Variants in TTC9C observed in about 807,000 individuals in gnomAD.
TTC9C encodes tetratricopeptide repeat domain 9C.
In TTC9C, 15 loss-of-function variants were observed where a neutral mutation model predicts 22.5. That is an observed-to-expected ratio of 0.67 (90% CI 0.45 to 1.03). The LOEUF (loss-of-function observed/expected upper bound fraction) is 1.03, where lower values mean the gene tolerates loss of function less well. Among genes scored for constraint, TTC9C ranks in the 50% least tolerant of loss-of-function variants. TTC9C has a pLI of 0.00. For missense variants in TTC9C, 244 were observed against 214.6 expected (o/e 1.14, Z -0.86); for synonymous variants, 92 against 86.8 (o/e 1.06, Z -0.33).
intron 1 of TTC9C, among the ~76,000 whole-genome samples, chr11:62,729,485 C>G (rs1018182657): frequency 1.3e-5 from 2 of 151,652 alleles, no homozygotes; most frequent in African/African-American, 4.8e-5. Context: ...TGCAGCCTCC[C>G]CGTCCCGGGT....
intron 1 of TTC9C, among the ~76,000 whole-genome samples, chr11:62,734,719 G>A (rs2083890894): frequency 6.6e-6 from 1 of 152,168 alleles, no homozygotes; most frequent in Non-Finnish European, 1.5e-5. Context: ...CTGGGCTCAA[G>A]CAAATCTCCT....
intron 1 of TTC9C, among the ~76,000 whole-genome samples, chr11:62,729,560 G>A (rs1318489346): frequency 1.4e-5 from 2 of 146,300 alleles, no homozygotes; most frequent in African/African-American, 5.1e-5. Context: ...CAGCCACCAC[G>A]CCCAGCTAAT....
chr11:62,735,431 T>TAGTCAGAA lies in TTC9C; in HGVS notation c.293_300dup (p.Leu101ArgfsTer38). The TAGTCAGAA allele has an allele frequency of 6.2e-7, 1 of 1,614,144 alleles. No homozygotes were observed. ...TGAACTACGAACGAGTGAGAGAATA[T>TAGTCAGAA]AGTCAGAAAGTCCTGGAACGACAGC... On this transcript the variant is annotated frameshift_variant, in exon 2 of 3. Transcript: ENST00000316461. LOFTEE classifies it high-confidence loss of function.
At chr11:62,733,426 C>T (rs941524091) in intron 1 of TTC9C, among the ~76,000 whole-genome samples, 2 of 151,798 alleles carry the variant, frequency 1.3e-5, no homozygotes, top group Non-Finnish European at 2.9e-5. Context: ...GAAGATTAAA[C>T]AAGACAGTGT....
Position 62,738,453 on chromosome 11 carries a change from C to A in TTC9C, c.*71C>A. 4.4e-6 allele frequency: 5 copies of A among 1,130,722 alleles called. No homozygotes were observed. The highest frequency in any genetic ancestry group is 6.5e-6 in the Non-Finnish European group (5 of 767,822). The allele number at this position is 1,130,722 out of a possible 1,614,324, so 70.0% of individuals were successfully genotyped here. On this transcript the variant is annotated 3_prime_UTR_variant, in exon 3 of 3. Coordinates refer to ENST00000316461, the MANE Select transcript of TTC9C (RefSeq NM_173810.4). ...AACATGCATGAAGGAGAAATCTGAG[C>A]CTCAGCAAGAGAAATTAACCCTATA...
rs1590906355 is a variant in TTC9C at position 62,728,627 on chromosome 11, T to C, written c.-222T>C. The C allele has an allele frequency of 1.9e-5, 13 of 673,302 alleles. No homozygotes were observed. Among genetic ancestry groups the C allele is most frequent in the Non-Finnish European group, 5.5e-6 (2 of 366,684 alleles). The allele number at this position is 673,302 out of a possible 1,614,324, so 41.7% of individuals were successfully genotyped here. A position where few individuals can be genotyped will look rare whatever the true frequency, so the allele number is the denominator to read the frequency against. The stretch of plus-strand genomic sequence containing the variant: ...TTCATTATTCCCACATCCCTTTCCT[T>C]ACTACTTGCCTGCACTTCTTGAGAA... On this transcript the variant is annotated 5_prime_UTR_variant, in exon 1 of 3. Coordinates refer to ENST00000316461, the MANE Select transcript of TTC9C (RefSeq NM_173810.4).
chr11:62,737,488 C>G (rs2083925482), intron 2 of TTC9C, among the ~76,000 whole-genome samples: 1 of 152,118 alleles, frequency 6.6e-6, no homozygotes, highest in Non-Finnish European at 1.5e-5. Flanking sequence ...AAAATTGTCT[C>G]CCTTTTGCAT....
rs1365610894 is a variant in TTC9C at position 62,728,686 on chromosome 11, T to C, written c.-163T>C. The C allele has an allele frequency of 2.7e-6, 2 of 727,378 alleles. No individual in the cohort carries two copies. Among genetic ancestry groups the C allele is most frequent in the Non-Finnish European group, 4.9e-6 (2 of 407,300 alleles). The allele number at this position is 727,378 out of a possible 1,614,324, so 45.1% of individuals were successfully genotyped here. ...CAGAAAGGAGAGGTGGGGCTTTCAG[T>C]AGAAACAAGCAAACCGCAGGTCCCT... On this transcript the variant is annotated 5_prime_UTR_variant, in exon 1 of 3. Coordinates refer to ENST00000316461, the MANE Select transcript of TTC9C (RefSeq NM_173810.4).
In TTC9C at chr11:62,735,557, G is replaced by C; in HGVS notation, c.414G>C (p.Gln138His). Reference sequence around the variant, plus strand: ...ACCTCCTGGCTGCCGTGAATAGGCAGCCTAAAGGTAAGCAAGAAGGGCTTT... The same window carrying C: ...ACCTCCTGGCTGCCGTGAATAGGCACCCTAAAGGTAAGCAAGAAGGGCTTT... ...RHYLLAAVNRQPKDANVRRYL... is the reference protein window; with the variant it reads ...RHYLLAAVNRHPKDANVRRYL... The change falls in exon 2 of 3, where the codon CAG becomes CAC. Residue 138 changes from glutamine to histidine, a missense_variant. Coordinates refer to ENST00000316461, the MANE Select transcript of TTC9C (RefSeq NM_173810.4). 1 of 1,606,900 alleles carries C rather than the reference G, an allele frequency of 6.2e-7. No homozygotes were observed. Among genetic ancestry groups the C allele is most frequent in the Non-Finnish European group, 8.5e-7 (1 of 1,175,314 alleles).
chr11:62,735,321 C>T, intron 1 of TTC9C, 61 bp from the exon 2 acceptor site: 1 of 1,586,732 alleles, frequency 6.3e-7, no homozygotes, highest in Non-Finnish European at 8.6e-7. Flanking sequence ...TTGAGCTGGC[C>T]AGTGGAACCT....
chr11:62,731,668 G>A (rs142051349), intron 1 of TTC9C, among the ~76,000 whole-genome samples: 1 of 151,598 alleles, frequency 6.6e-6, no homozygotes, highest in East Asian at 1.9e-4. Context: ...TCTCTGTCCC[G>A]ACATAGTTTT....
intron 1 of TTC9C, among the ~76,000 whole-genome samples, chr11:62,731,812 G>T (rs1238215372): frequency 6.6e-6 from 1 of 150,580 alleles, no homozygotes; most frequent in Non-Finnish European, 1.5e-5. Flanking sequence ...CTCCCGAATA[G>T]CTGGGACTAC....
chr11:62,729,152 G>A, intron 1 of TTC9C, 66 bp downstream of exon 1: 4 of 1,438,694 alleles, frequency 2.8e-6, no homozygotes, highest in Non-Finnish European at 3.8e-6. Flanking sequence ...TGTGAACATT[G>A]GGGGAAAAAA....
intron 2 of TTC9C, among the ~76,000 whole-genome samples, chr11:62,737,804 G>A (rs185876716): frequency 2.4e-4 from 37 of 152,148 alleles, no homozygotes; most frequent in African/African-American, 7.5e-4. Flanking sequence ...AGGCCAAGGC[G>A]GGTGGATCAC....
At position 62,728,921 on chromosome 11, in the gene TTC9C, C is replaced by G; in HGVS notation, c.73C>G (p.Arg25Gly). Reference protein sequence around the residue: ...GNQRYREGKYRDAVSRYHRAL... With the variant: ...GNQRYREGKYGDAVSRYHRAL... ...CCAGCGCTACCGGGAAGGGAAGTAC[C>G]GAGATGCTGTGAGTAGGTACCATCG... is the stretch of plus-strand genomic sequence containing the variant. The change falls in exon 1 of 3, where the codon CGA (arginine) becomes GGA (glycine). Residue 25 changes from arginine (R) to glycine (G), a missense_variant. Arg to Gly is a moderately radical substitution (Grantham distance 125). Transcript: ENST00000316461. 1 of 1,614,156 alleles carries G rather than the reference C, an allele frequency of 6.2e-7. No homozygotes were observed. Among genetic ancestry groups the G allele is most frequent in the East Asian group, 2.2e-5 (1 of 44,886 alleles).
rs772634075 is a variant in TTC9C, at chr11:62,735,451, G to A, written c.308G>A (p.Arg103Gln). Residue 103 changes from arginine to glutamine, a missense_variant, in exon 2 of 3, where the codon CGA becomes CAA. Coordinates refer to ENST00000316461, the MANE Select transcript of TTC9C (RefSeq NM_173810.4). ...VREYSQKVLE[R>Q]QPDNAKALYR... ...GAATATAGTCAGAAAGTCCTGGAAC[G>A]ACAGCCTGATAATGCCAAGGCCTTG... The A allele has an allele frequency of 1.9e-5, 30 of 1,613,990 alleles. No individual in the cohort carries two copies. In the Admixed American group the frequency reaches 2.5e-4, roughly 13 times the overall value.
Position 62,729,156 on chromosome 11 carries a change from G to GA in TTC9C, c.238+76dup, listed in dbSNP as rs1207793918. 9 of 1,391,770 alleles carry GA rather than the reference G, an allele frequency of 6.5e-6. No homozygotes were observed. The East Asian group carries it at 1.4e-4, about 21-fold the overall frequency. The allele number at this position is 1,391,770 out of a possible 1,614,324, so 86.2% of individuals were successfully genotyped here. A position where few individuals can be genotyped will look rare whatever the true frequency, so the allele number is the denominator to read the frequency against. On this transcript the variant is annotated intron_variant, in intron 1 of 2. Transcript: ENST00000316461. ...ACATGAACATCTGTGAACATTGGGG[G>GA]AAAAAACGCTGACTTTTTTTTTTTT...
chr11:62,734,054 A>G (rs1383382492), intron 1 of TTC9C, among the ~76,000 whole-genome samples: 2 of 151,592 alleles, frequency 1.3e-5, no homozygotes, highest in Admixed American at 6.6e-5. Flanking sequence ...ATCCCAGTAC[A>G]TTGGGAGGCT....
chr11:62,728,532 T>A lies in TTC9C; in HGVS notation c.-317T>A. The A allele has an allele frequency of 2.0e-6, 1 of 503,694 alleles. No homozygotes were observed. The highest frequency in any genetic ancestry group is 3.9e-6 in the Non-Finnish European group (1 of 258,610). The allele number at this position is 503,694 out of a possible 1,614,324, so 31.2% of individuals were successfully genotyped here. A position where few individuals can be genotyped will look rare whatever the true frequency, so the allele number is the denominator to read the frequency against. ...CCCGCAACAATTCCTGAGTAGGGCC[T>A]TGCTTGAGTTCTTCGGAAAGTCTCA... On this transcript the variant is annotated 5_prime_UTR_variant, in exon 1 of 3. The change creates a new upstream start codon in the 5' untranslated region. Transcript: ENST00000316461.
Sources: allele counts gnomAD v4.1 joint callset (sites outside exome capture counted in the v4.1 genomes callset), GRCh38; gene constraint gnomAD v4.1.1; transcripts MANE v1.5; gene names NCBI Gene and HGNC (gene_info 2026-07-23, HGNC 2026-07-21).